Variants in PAK3 observed in about 807,000 individuals in gnomAD.
PAK3 encodes the protein p21 (RAC1) activated kinase 3.
Under a neutral mutation model 41.0 loss-of-function variants are expected in PAK3, and 4 were observed. The observed-to-expected ratio is 0.10, with a 90% CI of 0.05 to 0.22. The LOEUF (loss-of-function observed/expected upper bound fraction) is 0.22, where lower values mean the gene tolerates loss of function less well. Among genes scored for constraint, PAK3 ranks in the 10% least tolerant of loss-of-function variants. PAK3 has a pLI of 1.00. For synonymous variants in PAK3, 146 were observed against 139.6 expected (o/e 1.05, Z -0.32); for missense variants, 205 against 409.9 (o/e 0.50, Z 4.32).
At chrX:111,163,180 C>A in intron 9 of PAK3, 134 bp downstream of exon 9, 1 of 656,926 alleles carries the variant, frequency 1.5e-6, no homozygotes, top group South Asian at 2.5e-5. Context: ...TAAAATATGA[C>A]CAAGGTTTTG....
intron 7 of PAK3, among the ~76,000 whole-genome samples, chrX:111,150,864 A>G (rs1204873225): frequency 8.9e-6 from 1 of 111,990 alleles, no homozygotes; most frequent in Admixed American, 9.5e-5. Context: ...CTAAAGAATG[A>G]AGGGAGTATT....
intron 16 of PAK3, among the ~76,000 whole-genome samples, chrX:111,204,385 G>A (rs957260375): frequency 9.0e-6 from 1 of 111,157 alleles, no homozygotes; most frequent in African/African-American, 3.3e-5. Flanking sequence ...GGATGCATAT[G>A]CTGATTGCCC....
At chrX:111,125,157 T>C (rs2093630587) in intron 5 of PAK3, among the ~76,000 whole-genome samples, 1 of 111,722 alleles carries the variant, frequency 9.0e-6, no homozygotes, top group Non-Finnish European at 1.9e-5. Flanking sequence ...TTAATAAAAG[T>C]TTGGCTTTTG....
intron 1 of PAK3, among the ~76,000 whole-genome samples, chrX:111,030,960 T>C (rs1393546775): frequency 9.0e-6 from 1 of 111,349 alleles, no homozygotes; most frequent in Admixed American, 9.7e-5. Context: ...ATTTGGCAAC[T>C]GGCGAACAAC....
chrX:110,946,410 TAAG>T (rs1022393680), intron 1 of PAK3, among the ~76,000 whole-genome samples: 5 of 111,420 alleles, frequency 4.5e-5, no homozygotes, highest in African/African-American at 1.6e-4. Flanking sequence ...ATCTCTATAT[TAAG>T]AAACATCTGG....
At chrX:111,103,617 C>T (rs1455081892) in intron 4 of PAK3, among the ~76,000 whole-genome samples, 2 of 112,254 alleles carry the variant, frequency 1.8e-5, no homozygotes, top group Non-Finnish European at 3.8e-5. Flanking sequence ...ATAACACAGA[C>T]ATGCTTCCCA....
intron 4 of PAK3, among the ~76,000 whole-genome samples, chrX:111,119,296 T>G (rs1342057471): frequency 8.9e-6 from 1 of 111,850 alleles, no homozygotes; most frequent in African/African-American, 3.3e-5. Flanking sequence ...TTAAATTATC[T>G]CTGAAAAACC....
At chrX:111,086,435 C>G (rs1001880342) in intron 1 of PAK3, among the ~76,000 whole-genome samples, 1 of 109,966 alleles carries the variant, frequency 9.1e-6, no homozygotes, top group Non-Finnish European at 1.9e-5. Flanking sequence ...GTCTCTTTAC[C>G]TCTCTCTTAA....
chrX:111,061,232 T>C (rs1351675596), intron 1 of PAK3, among the ~76,000 whole-genome samples: 1 of 112,441 alleles, frequency 8.9e-6, no homozygotes, highest in Non-Finnish European at 1.9e-5. Context: ...CAATTTTATC[T>C]ATTGTCCAGA....
chrX:111,031,913 A>G (rs1315373901), intron 1 of PAK3, among the ~76,000 whole-genome samples: 1 of 112,205 alleles, frequency 8.9e-6, no homozygotes, highest in African/African-American at 3.2e-5. Context: ...TTTTCCTGTA[A>G]CATTACGGCT....
At chrX:111,186,600 G>T (rs1028298391) in intron 11 of PAK3, among the ~76,000 whole-genome samples, 4 of 111,213 alleles carry the variant, frequency 3.6e-5, no homozygotes, top group Non-Finnish European at 7.5e-5. Flanking sequence ...CCTCTTCAAG[G>T]AGAACTACAA....
intron 1 of PAK3, among the ~76,000 whole-genome samples, chrX:111,065,512 T>C (rs1243305564): frequency 9.0e-6 from 1 of 111,296 alleles, no homozygotes; most frequent in Non-Finnish European, 1.9e-5. Flanking sequence ...TGGCCTGTAG[T>C]TTTCTTTTTT....
At chrX:111,211,899 T>C in intron 16 of PAK3, among the ~76,000 whole-genome samples, 1 of 110,463 alleles carries the variant, frequency 9.1e-6, no homozygotes, top group Non-Finnish European at 1.9e-5. Flanking sequence ...TTAAGGAGGA[T>C]GGACTGAAGA....
At chrX:110,972,214 GA>G (rs1428055977) in intron 1 of PAK3, among the ~76,000 whole-genome samples, 2 of 111,347 alleles carry the variant, frequency 1.8e-5, no homozygotes, top group African/African-American at 6.5e-5. Flanking sequence ...TAGCAGTGAT[GA>G]GAGTAGAAAT....
chrX:111,025,575 T>C (rs959993214), intron 1 of PAK3, among the ~76,000 whole-genome samples: 1 of 110,721 alleles, frequency 9.0e-6, no homozygotes, highest in Non-Finnish European at 1.9e-5. Flanking sequence ...TATACAACCC[T>C]CCTAGATTAA....
chrX:110,989,727 G>A (rs1218548218), intron 1 of PAK3, among the ~76,000 whole-genome samples: 1 of 111,589 alleles, frequency 9.0e-6, no homozygotes, highest in African/African-American at 3.3e-5. Flanking sequence ...CTGGCTTGTA[G>A]CAGAACTGGA....
intron 1 of PAK3, among the ~76,000 whole-genome samples, chrX:110,950,651 T>C (rs2090722902): frequency 8.9e-6 from 1 of 111,981 alleles, no homozygotes; most frequent in African/African-American, 3.2e-5. Context: ...AATAACTGCA[T>C]AGTATTCTAT....
intron 4 of PAK3, among the ~76,000 whole-genome samples, chrX:111,106,069 C>T (rs2093255834): frequency 1.8e-5 from 2 of 111,547 alleles, no homozygotes; most frequent in African/African-American, 3.3e-5. Flanking sequence ...GACAAGCACT[C>T]CTCCACATTC....
In PAK3 at chrX:111,222,469, C is replaced by T. The variant is rs768217958; in HGVS notation, c.*2022C>T. The T allele has an allele frequency of 8.9e-6, 1 of 111,874 alleles. No individual in the cohort carries two copies. The highest frequency in any genetic ancestry group is 2.8e-4 in the East Asian group (1 of 3,562). The allele number at this position is 111,874 out of a possible 1,213,427, so 9.2% of individuals were successfully genotyped here. ...CAACAAATGTGAAAAGAAAATGAAA[C>T]GGTAATATTAATTTGAAGCATACTA... On this transcript the variant is annotated 3_prime_UTR_variant, in exon 18 of 18. Transcript: ENST00000372007.
Sources: allele counts gnomAD v4.1 joint callset (sites outside exome capture counted in the v4.1 genomes callset), GRCh38; gene constraint gnomAD v4.1.1; transcripts MANE v1.5; gene names NCBI Gene and HGNC (gene_info 2026-07-23, HGNC 2026-07-21).